Variants in FBXL7 observed in about 807,000 individuals in gnomAD.
The protein encoded by FBXL7 is F-box and leucine rich repeat protein 7.
FBXL7 carries 12 observed loss-of-function variants against 38.3 expected under a neutral mutation model. The ratio of observed to expected loss-of-function variants is 0.31; its 90% confidence interval spans 0.20 to 0.51. The LOEUF (loss-of-function observed/expected upper bound fraction) is 0.51, where lower values mean the gene tolerates loss of function less well. FBXL7 is among the 20% of genes least tolerant of loss of function. The probability of loss-of-function intolerance (pLI) is 0.98; values close to 1 mark genes in which losing one functional copy is unlikely to be tolerated. For synonymous variants in FBXL7, 297 were observed against 300.9 expected, an observed-to-expected ratio of 0.99 and a Z score of 0.13; for missense variants, 567 against 676.4, an observed-to-expected ratio of 0.84 and a Z score of 1.79.
chr5:15,848,649 G>A (rs958945642), intron 2 of FBXL7, among the ~76,000 whole-genome samples: 2 of 152,098 alleles, frequency 1.3e-5, no homozygotes, highest in African/African-American at 4.8e-5. Context: ...CAAAGAGCTG[G>A]GATTACAAGC....
intron 3 of FBXL7, among the ~76,000 whole-genome samples, chr5:15,931,702 G>A (rs756781103): frequency 4.6e-5 from 7 of 152,090 alleles, no homozygotes; most frequent in African/African-American, 1.2e-4. Flanking sequence ...CTGCATACAC[G>A]CAATGCTCCC....
intron 2 of FBXL7, among the ~76,000 whole-genome samples, chr5:15,708,463 C>G (rs1322759748): frequency 1.3e-5 from 2 of 152,216 alleles, no homozygotes; most frequent in Admixed American, 6.5e-5. Flanking sequence ...TCCAAACAAA[C>G]TTGGAGTTAT....
chr5:15,925,486 GA>G (rs1351725472), intron 2 of FBXL7, among the ~76,000 whole-genome samples: 4 of 152,198 alleles, frequency 2.6e-5, no homozygotes, highest in Non-Finnish European at 4.4e-5. Context: ...TGCAGCGATA[GA>G]AAAAGGAGAT....
At chr5:15,757,296 C>T (rs1191685804) in intron 2 of FBXL7, among the ~76,000 whole-genome samples, 2 of 152,098 alleles carry the variant, frequency 1.3e-5, no homozygotes, top group Non-Finnish European at 2.9e-5. Flanking sequence ...GCCTTTGACT[C>T]AGTTCAAAGA....
intron 1 of FBXL7, among the ~76,000 whole-genome samples, chr5:15,576,447 C>A (rs542464290): frequency 6.6e-6 from 1 of 152,196 alleles, no homozygotes; most frequent in Non-Finnish European, 1.5e-5. Context: ...AGCACTTTCC[C>A]AGAATATGAA....
chr5:15,620,418 T>G (rs1221189539), intron 2 of FBXL7, among the ~76,000 whole-genome samples: 1 of 150,826 alleles, frequency 6.6e-6, no homozygotes, highest in African/African-American at 2.4e-5. Context: ...TTTTTGTTTT[T>G]TTTTTTTTTT....
intron 2 of FBXL7, among the ~76,000 whole-genome samples, chr5:15,764,086 G>A (rs888978345): frequency 3.9e-5 from 6 of 152,284 alleles, no homozygotes; most frequent in Middle Eastern, 3.4e-3. Flanking sequence ...CTCACAGACA[G>A]ACTCAAAAAA....
intron 2 of FBXL7, among the ~76,000 whole-genome samples, chr5:15,704,517 A>G (rs1225503788): frequency 6.6e-6 from 1 of 152,214 alleles, no homozygotes; most frequent in African/African-American, 2.4e-5. Flanking sequence ...ACAGAAAAGC[A>G]CTATGATGCA....
At chr5:15,602,011 C>T (rs752375075) in intron 1 of FBXL7, among the ~76,000 whole-genome samples, 15 of 152,086 alleles carry the variant, frequency 9.9e-5, no homozygotes, top group Non-Finnish European at 2.2e-4. Context: ...AGAGGGAAGA[C>T]AGCCATGTGA....
At chr5:15,677,094 T>C (rs1354017446) in intron 2 of FBXL7, among the ~76,000 whole-genome samples, 2 of 152,178 alleles carry the variant, frequency 1.3e-5, no homozygotes, top group East Asian at 3.8e-4. Flanking sequence ...TCAATAGCAA[T>C]AGGAAAAATT....
chr5:15,548,724 G>A (rs901246645), intron 1 of FBXL7, among the ~76,000 whole-genome samples: 1 of 152,204 alleles, frequency 6.6e-6, no homozygotes, highest in South Asian at 2.1e-4. Context: ...AATTTAAAGT[G>A]GAAAGGGTGG....
chr5:15,641,026 C>T (rs576617238), intron 2 of FBXL7, among the ~76,000 whole-genome samples: 25 of 152,316 alleles, frequency 1.6e-4, no homozygotes, highest in African/African-American at 4.8e-4. Flanking sequence ...AATAGTCCCA[C>T]GCTGGGATTT....
chr5:15,926,911 T>C (rs1741890066), intron 2 of FBXL7, among the ~76,000 whole-genome samples: 1 of 151,956 alleles, frequency 6.6e-6, no homozygotes, highest in Admixed American at 6.6e-5. Flanking sequence ...TACTCACTAC[T>C]CTTCCTGTCT....
At chr5:15,788,332 C>G (rs1191263508) in intron 2 of FBXL7, among the ~76,000 whole-genome samples, 1 of 152,128 alleles carries the variant, frequency 6.6e-6, no homozygotes, top group African/African-American at 2.4e-5. Context: ...AGAGCCTAGC[C>G]TGGAATTTGA....
chr5:15,798,208 A>C (rs958771562), intron 2 of FBXL7, among the ~76,000 whole-genome samples: 1 of 152,202 alleles, frequency 6.6e-6, no homozygotes, highest in South Asian at 2.1e-4. Flanking sequence ...AAGACTGATC[A>C]GCAAACATAT....
At chr5:15,797,375 C>T (rs1029962852) in intron 2 of FBXL7, among the ~76,000 whole-genome samples, 3 of 152,204 alleles carry the variant, frequency 2.0e-5, no homozygotes, top group African/African-American at 4.8e-5. Context: ...CTGTTTCTGC[C>T]TGTGGTTTGA....
intron 2 of FBXL7, among the ~76,000 whole-genome samples, chr5:15,624,046 T>C (rs1218462965): frequency 6.6e-6 from 1 of 152,230 alleles, no homozygotes; most frequent in African/African-American, 2.4e-5. Flanking sequence ...CCTATCAAAG[T>C]ATATTTTTAC....
chr5:15,835,958 A>G (rs576791044), intron 2 of FBXL7, among the ~76,000 whole-genome samples: 12 of 152,262 alleles, frequency 7.9e-5, no homozygotes, highest in African/African-American at 2.6e-4. Context: ...ACACAGGAGT[A>G]CCTCCAGCCT....
At chr5:15,663,124 A>G (rs1159580416) in intron 2 of FBXL7, among the ~76,000 whole-genome samples, 1 of 152,132 alleles carries the variant, frequency 6.6e-6, no homozygotes, top group Admixed American at 6.6e-5. Flanking sequence ...GATTCTTCCT[A>G]TTCATGAGCA....
Sources: gnomAD v4.1 joint callset for allele counts (sites outside exome capture counted in the v4.1 genomes callset) on GRCh38, gnomAD v4.1.1 for gene constraint, MANE v1.5 for transcripts, NCBI Gene and HGNC (gene_info 2026-07-23, HGNC 2026-07-21) for gene names.